The following CFAP47 variants were observed in gnomAD, a reference collection of about 807,000 sequenced individuals.
The protein encoded by CFAP47 is cilia- and flagella-associated protein 47.
CFAP47 carries 29 observed loss-of-function variants against 148.1 expected under a neutral mutation model. The ratio of observed to expected loss-of-function variants is 0.20; its 90% CI spans 0.15 to 0.27. The LOEUF is 0.27. Ranked by LOEUF, CFAP47 falls within the 10% of genes least tolerant of loss-of-function variation. The pLI is 1.00. For synonymous variants in CFAP47, 664 were observed against 577.3 expected (o/e 1.15, Z -2.15); for missense variants, 1,872 against 1,697.5 (o/e 1.10, Z -1.81).
intron 45 of CFAP47, among the ~76,000 whole-genome samples, chrX:36,212,990 G>A (rs1940119670): frequency 9.0e-6 from 1 of 111,029 alleles, no homozygotes; most frequent in African/African-American, 3.3e-5. Context: ...GCACAAGCCT[G>A]TGATCCTGGC....
At chrX:36,332,716 A>G in intron 57 of CFAP47, among the ~76,000 whole-genome samples, 1 of 111,943 alleles carries the variant, frequency 8.9e-6, no homozygotes, top group Admixed American at 9.5e-5. Context: ...TTATTATTGC[A>G]TATAAATGGT....
chrX:36,027,124 A>ATGATTATATATATGATTATATATATG lies in CFAP47; in HGVS notation c.3557-4116_3557-4115insGATTATATATATGTGATTATATATAT, dbSNP rs1569236136. ...ATTATATATATGTGATTATATATAT[A>ATGATTATATATATGATTATATATATG]TGATTATATATATATGATTATATAT... On this transcript the variant is annotated intron_variant, in intron 22 of 63. Transcript: ENST00000378653. 7.0e-3 allele frequency among the ~76,000 whole-genome samples: 564 copies of ATGATTATATATATGATTATATATATG among 80,630 alleles called. 6 individuals are homozygous for ATGATTATATATATGATTATATATATG. The highest frequency in any genetic ancestry group is 0.022 in the African/African-American group (395 of 18,269). 70.0% of individuals were successfully genotyped at this position (80,630 alleles called of 115,157 possible).
chrX:35,964,690 T>C (rs1395699168), intron 8 of CFAP47, among the ~76,000 whole-genome samples: 1 of 111,259 alleles, frequency 9.0e-6, no homozygotes, highest in Non-Finnish European at 1.9e-5. Context: ...ATTTCAAATG[T>C]CTTGTCTTCA....
chrX:36,046,835 T>G lies in CFAP47; in HGVS notation c.4008-19T>G, dbSNP rs1937472416. 1 of 1,020,457 alleles carries G rather than the reference T, an allele frequency of 9.8e-7. No homozygotes were observed. Among genetic ancestry groups the G allele is most frequent in the South Asian group, 2.5e-5 (1 of 39,219 alleles). The allele number at this position is 1,020,457 out of a possible 1,213,427, so 84.1% of individuals were successfully genotyped here. A position where few individuals can be genotyped will look rare whatever the true frequency, so the allele number is the denominator to read the frequency against. On this transcript the variant is annotated intron_variant, in intron 25 of 63. Transcript: ENST00000378653. The stretch of plus-strand genomic sequence containing the variant: ...GCAGGTATTTTGAGCTAATGAAACA[T>G]TTTTTTTATTTTAAACAGAAATTCA...
chrX:35,989,718 T>A, intron 16 of CFAP47: 1 of 612,096 alleles, frequency 1.6e-6, no homozygotes, highest in Admixed American at 4.4e-5. Context: ...AAAGCTGTAA[T>A]ATGCAATTTT....
At chrX:36,299,232 A>C in intron 52 of CFAP47, 80 bp downstream of exon 52, 2 of 566,067 alleles carry the variant, frequency 3.5e-6, no homozygotes, top group South Asian at 1.7e-4. Context: ...CTTATACTAT[A>C]ATCATTAAAA....
chrX:36,385,279 C>A lies in CFAP47; in HGVS notation c.*273C>A. 4.0e-6 allele frequency: 1 copy of A among 248,676 alleles called. No homozygotes were observed. The highest frequency in any genetic ancestry group is 7.1e-6 in the Non-Finnish European group (1 of 141,011). The allele number at this position is 248,676 out of a possible 1,213,427, so 20.5% of individuals were successfully genotyped here. A position where few individuals can be genotyped will look rare whatever the true frequency, so the allele number is the denominator to read the frequency against. On this transcript the variant is annotated 3_prime_UTR_variant, in exon 64 of 64. Coordinates refer to ENST00000378653, the MANE Select transcript of CFAP47 (RefSeq NM_001304548.2). The stretch of plus-strand genomic sequence containing the variant: ...ATAATTTAAATGACAACAGTATTTC[C>A]AATAACAGCGTTGCTAATAAAGCTA...
chrX:35,963,880 C>G (rs1306922031), intron 8 of CFAP47, among the ~76,000 whole-genome samples: 1 of 111,381 alleles, frequency 9.0e-6, no homozygotes, highest in African/African-American at 3.2e-5. Flanking sequence ...CTTGTCTCCT[C>G]TTTGTGCTAT....
chrX:36,015,410 T>TA (rs1937085348), intron 22 of CFAP47, among the ~76,000 whole-genome samples: 1 of 111,383 alleles, frequency 9.0e-6, no homozygotes, highest in East Asian at 2.8e-4. Context: ...AAAACTGATG[T>TA]ACTCTGCAAA....
rs778361597 is a variant in CFAP47, at chrX:36,054,018, C to T, written c.4217+6955C>T. On this transcript the variant is annotated intron_variant, in intron 26 of 63. Coordinates refer to ENST00000378653, the MANE Select transcript of CFAP47 (RefSeq NM_001304548.2). ...GGATCTGTGAAGTTGGTTGGAGAACCTCTGCCTTGCTTAGAGATTTTTCAT... is the reference window on the plus strand; with the variant it reads ...GGATCTGTGAAGTTGGTTGGAGAACTTCTGCCTTGCTTAGAGATTTTTCAT... Among the ~76,000 whole-genome samples, 5 of 112,473 alleles carry T rather than the reference C, an allele frequency of 4.4e-5. No homozygotes were observed. In the South Asian group the frequency reaches 1.8e-3, roughly 41 times the overall value.
chrX:36,116,960 A>G (rs943678606), intron 33 of CFAP47, among the ~76,000 whole-genome samples: 2 of 111,215 alleles, frequency 1.8e-5, no homozygotes, highest in Non-Finnish European at 3.8e-5. Context: ...CATGAGTTCA[A>G]TTGTTTCAGA....
At chrX:35,944,740 A>G (rs1478933399) in intron 3 of CFAP47, among the ~76,000 whole-genome samples, 1 of 111,778 alleles carries the variant, frequency 8.9e-6, no homozygotes, top group Non-Finnish European at 1.9e-5. Flanking sequence ...AACCATGTAT[A>G]CTGCACCACT....
chrX:36,366,757 A>T (rs1297385149), intron 61 of CFAP47, among the ~76,000 whole-genome samples: 1 of 111,710 alleles, frequency 9.0e-6, no homozygotes, highest in African/African-American at 3.2e-5. Flanking sequence ...ATTACTTCAA[A>T]GGGAGAATGA....
chrX:36,151,822 AACTAGGCAGCTT>A (rs2146843509), intron 37 of CFAP47, among the ~76,000 whole-genome samples: 1 of 112,113 alleles, frequency 8.9e-6, no homozygotes, highest in South Asian at 3.7e-4. Flanking sequence ...AAACACCAAA[AACTAGGCAGCTT>A]ACAAACAACA....
intron 45 of CFAP47, among the ~76,000 whole-genome samples, chrX:36,207,597 T>C (rs1940052860): frequency 8.9e-6 from 1 of 111,919 alleles, no homozygotes. Context: ...GATTTTTTAC[T>C]TTTTTGACCC....
intron 49 of CFAP47, among the ~76,000 whole-genome samples, chrX:36,257,330 G>A (rs1354743537): frequency 9.0e-6 from 1 of 111,695 alleles, no homozygotes; most frequent in East Asian, 2.8e-4. Context: ...ACAAAACCAG[G>A]CTAGAAGACT....
chrX:36,297,634 T>C (rs1206281393), intron 51 of CFAP47, among the ~76,000 whole-genome samples: 1 of 111,611 alleles, frequency 9.0e-6, no homozygotes, highest in African/African-American at 3.3e-5. Context: ...TCAGGAAATA[T>C]CTTAGAACTT....
intron 38 of CFAP47, among the ~76,000 whole-genome samples, chrX:36,159,944 G>T (rs1211074406): frequency 8.9e-6 from 1 of 111,857 alleles, no homozygotes; most frequent in Non-Finnish European, 1.9e-5. Context: ...GGGGAAGAGA[G>T]ATTTTTAAAT....
intron 33 of CFAP47, among the ~76,000 whole-genome samples, chrX:36,106,706 G>A (rs1467880115): frequency 8.9e-6 from 1 of 111,787 alleles, no homozygotes; most frequent in Non-Finnish European, 1.9e-5. Flanking sequence ...GTATTACTAG[G>A]TAAAAGGAGC....
Sources: allele counts gnomAD v4.1 joint callset (sites outside exome capture counted in the v4.1 genomes callset), GRCh38; gene constraint gnomAD v4.1.1; transcripts MANE v1.5; gene names NCBI Gene and HGNC (gene_info 2026-07-23, HGNC 2026-07-21).